Variants in WWOX observed in about 807,000 individuals in gnomAD.
WWOX encodes WW domain containing oxidoreductase.
Under a neutral mutation model 46.2 loss-of-function variants are expected in WWOX, and 69 were observed. The ratio of observed to expected loss-of-function variants is 1.49; its 90% CI spans 1.23 to 1.82. WWOX has a LOEUF of 1.82. WWOX is among the 40% of genes most tolerant of loss of function. The pLI is 0.00. For missense variants in WWOX, 919 were observed against 542.6 expected (o/e 1.69, Z -6.89); for synonymous variants, 359 against 202.6 (o/e 1.77, Z -6.56).
chr16:78,797,647 G>C (rs1260662134), intron 8 of WWOX, among the ~76,000 whole-genome samples: 2 of 152,066 alleles, frequency 1.3e-5, no homozygotes, highest in East Asian at 3.9e-4. Flanking sequence ...CAGTCTCAAG[G>C]AACTATGATA....
At position 78,899,018 on chromosome 16, in the gene WWOX, G is replaced by A. The variant is rs548104193; in HGVS notation, c.1057-312590G>A. 4 of 152,032 alleles carry A rather than the reference G, an allele frequency of 2.6e-5. No individual in the cohort carries two copies. The East Asian group carries it at 5.8e-4, about 22-fold the overall frequency. 9.4% of individuals were successfully genotyped at this position (152,032 alleles called of 1,614,324 possible). A position where few individuals can be genotyped will look rare whatever the true frequency, so the allele number is the denominator to read the frequency against. ...TTTTCCTTTTTGTTAAATAGATTCTGTAGAATTCTCTACATCTCTGAATAT... is the reference window on the plus strand; with the variant it reads ...TTTTCCTTTTTGTTAAATAGATTCTATAGAATTCTCTACATCTCTGAATAT... On this transcript the variant is annotated intron_variant, in intron 8 of 8. Transcript: ENST00000566780.
intron 4 of WWOX, among the ~76,000 whole-genome samples, chr16:78,152,880 G>A (rs964882727): frequency 6.8e-6 from 1 of 147,676 alleles, no homozygotes; most frequent in Non-Finnish European, 1.5e-5. Context: ...GAACTGACCC[G>A]TTTCCCACTT....
At chr16:78,787,435 G>T (rs925226546) in intron 8 of WWOX, among the ~76,000 whole-genome samples, 1 of 152,056 alleles carries the variant, frequency 6.6e-6, no homozygotes, top group Non-Finnish European at 1.5e-5. Flanking sequence ...GGCCTTTTGT[G>T]TCTGGCTTCT....
At chr16:78,639,663 G>A (rs2472197) in intron 8 of WWOX, among the ~76,000 whole-genome samples, 5 of 151,828 alleles carry the variant, frequency 3.3e-5, no homozygotes, top group African/African-American at 1.2e-4. Flanking sequence ...TCCCAGGTTC[G>A]AGTGATTTTC....
intron 8 of WWOX, among the ~76,000 whole-genome samples, chr16:78,497,821 A>G (rs1459517233): frequency 6.6e-6 from 1 of 151,454 alleles, no homozygotes; most frequent in East Asian, 2.0e-4. Flanking sequence ...AAATAAATCA[A>G]TAAATGGTAG....
intron 8 of WWOX, among the ~76,000 whole-genome samples, chr16:79,096,907 A>G (rs891719340): frequency 1.3e-5 from 2 of 152,118 alleles, no homozygotes; most frequent in Admixed American, 6.5e-5. Context: ...TCTGGGGAGA[A>G]GAAAGGATCA....
At chr16:78,411,591 G>A (rs1192653877) in intron 6 of WWOX, among the ~76,000 whole-genome samples, 1 of 152,170 alleles carries the variant, frequency 6.6e-6, no homozygotes, top group Non-Finnish European at 1.5e-5. Flanking sequence ...GGATGCATTT[G>A]TGTTTAATTT....
intron 8 of WWOX, among the ~76,000 whole-genome samples, chr16:79,095,067 A>G (rs1318273414): frequency 1.3e-5 from 2 of 152,104 alleles, no homozygotes; most frequent in East Asian, 1.9e-4. Context: ...AATCCTCACA[A>G]TTTCTTGGAT....
intron 8 of WWOX, among the ~76,000 whole-genome samples, chr16:79,066,674 C>A (rs755700423): frequency 1.3e-5 from 2 of 152,210 alleles, no homozygotes; most frequent in Non-Finnish European, 2.9e-5. Context: ...TTAATTCAAT[C>A]GGCGAATTTG....
chr16:78,613,164 C>T (rs2045939816), intron 8 of WWOX, among the ~76,000 whole-genome samples: 2 of 152,286 alleles, frequency 1.3e-5, no homozygotes, highest in African/African-American at 2.4e-5. Context: ...GACTCCCCTC[C>T]ATGCCTTTTG....
intron 8 of WWOX, among the ~76,000 whole-genome samples, chr16:78,459,481 A>G (rs1478940383): frequency 6.6e-6 from 1 of 152,158 alleles, no homozygotes; most frequent in Non-Finnish European, 1.5e-5. Flanking sequence ...TATCAAGGTC[A>G]TGCGGTATCT....
chr16:78,937,302 C>G (rs1410278936), intron 8 of WWOX, among the ~76,000 whole-genome samples: 2 of 152,050 alleles, frequency 1.3e-5, no homozygotes, highest in Non-Finnish European at 2.9e-5. Flanking sequence ...TCCAATACAC[C>G]TGCATCTTTA....
At chr16:78,156,381 C>A (rs2034599654) in intron 4 of WWOX, among the ~76,000 whole-genome samples, 2 of 152,192 alleles carry the variant, frequency 1.3e-5, no homozygotes, top group Admixed American at 1.3e-4. Context: ...TTCAAAACTA[C>A]AGTGAGCAGT....
chr16:79,051,318 C>CTTTA (rs1182944252), intron 8 of WWOX, among the ~76,000 whole-genome samples: 4 of 152,186 alleles, frequency 2.6e-5, no homozygotes, highest in African/African-American at 9.7e-5. Context: ...GTGTGCAATG[C>CTTTA]TTTAAATCAG....
chr16:79,026,265 T>C (rs1361655203), intron 8 of WWOX, among the ~76,000 whole-genome samples: 3 of 151,672 alleles, frequency 2.0e-5, no homozygotes, highest in Non-Finnish European at 4.4e-5. Flanking sequence ...CACCCTACCC[T>C]CGGTCAACTC....
chr16:78,439,117 A>T (rs905617855), intron 8 of WWOX, among the ~76,000 whole-genome samples: 8 of 152,222 alleles, frequency 5.3e-5, no homozygotes, highest in African/African-American at 1.7e-4. Context: ...TTGAATGTGT[A>T]TTGGTACATT....
At chr16:78,538,382 C>G (rs1175668830) in intron 8 of WWOX, among the ~76,000 whole-genome samples, 1 of 152,118 alleles carries the variant, frequency 6.6e-6, no homozygotes, top group Non-Finnish European at 1.5e-5. Context: ...ATTTTAATTT[C>G]CCCATGAGTC....
intron 8 of WWOX, among the ~76,000 whole-genome samples, chr16:78,855,637 C>T (rs565785680): frequency 6.6e-6 from 1 of 152,320 alleles, no homozygotes; most frequent in East Asian, 1.9e-4. Flanking sequence ...AGAGGGAAGA[C>T]AACCTGTCTT....
chr16:78,669,977 C>G (rs2047421789), intron 8 of WWOX, among the ~76,000 whole-genome samples: 2 of 152,134 alleles, frequency 1.3e-5, no homozygotes, highest in Admixed American at 1.3e-4. Context: ...TCCCTTCATC[C>G]TCCCCCACCA....
Sources: gnomAD v4.1 joint callset for allele counts (sites outside exome capture counted in the v4.1 genomes callset) on GRCh38, gnomAD v4.1.1 for gene constraint, MANE v1.5 for transcripts, NCBI Gene and HGNC (gene_info 2026-07-23, HGNC 2026-07-21) for gene names.